CDH13: variants seen among roughly 807,000 people sequenced by gnomAD.
CDH13 encodes cadherin-13.
Under a neutral mutation model 63.8 loss-of-function variants are expected in CDH13, and 24 were observed. The ratio of observed to expected loss-of-function variants is 0.38; its 90% CI spans 0.27 to 0.53. The LOEUF (loss-of-function observed/expected upper bound fraction) is 0.53, where lower values mean the gene tolerates loss of function less well. Ranked by LOEUF, CDH13 falls within the 20% of genes least tolerant of loss-of-function variation. The pLI, the probability that CDH13 is intolerant of heterozygous loss-of-function variation, is 0.85. For synonymous variants in CDH13, 503 were observed against 355.3 expected (o/e 1.42, Z -4.67); for missense variants, 1,049 against 903.1 (o/e 1.16, Z -2.07).
chr16:82,868,955 C>A (rs764472193), intron 2 of CDH13, among the ~76,000 whole-genome samples: 8 of 152,164 alleles, frequency 5.3e-5, no homozygotes, highest in Non-Finnish European at 1.0e-4. Flanking sequence ...ATTTTCTCAT[C>A]TGGAAAATTA....
At chr16:82,967,017 G>A (rs2151357575) in intron 2 of CDH13, among the ~76,000 whole-genome samples, 1 of 152,252 alleles carries the variant, frequency 6.6e-6, no homozygotes, top group Middle Eastern at 3.4e-3. Context: ...CAGATCTCAT[G>A]TCTCTTTAGG....
chr16:83,013,913 T>C (rs943070126), intron 2 of CDH13, among the ~76,000 whole-genome samples: 1 of 152,174 alleles, frequency 6.6e-6, no homozygotes, highest in Non-Finnish European at 1.5e-5. Context: ...ATTGGGACTC[T>C]GGTAAGCAGC....
chr16:83,314,304 A>T (rs1420303291), intron 5 of CDH13, among the ~76,000 whole-genome samples: 16 of 152,194 alleles, frequency 1.1e-4, no homozygotes, highest in Admixed American at 9.8e-4. Flanking sequence ...TTTTCTTTCA[A>T]ATGTGTCTTA....
At chr16:82,944,420 G>A (rs920295205) in intron 2 of CDH13, among the ~76,000 whole-genome samples, 9 of 152,170 alleles carry the variant, frequency 5.9e-5, no homozygotes, top group African/African-American at 2.2e-4. Context: ...AAGTTGGTCA[G>A]GAAGGTTATT....
intron 1 of CDH13, among the ~76,000 whole-genome samples, chr16:82,827,383 G>A (rs1419741330): frequency 2.0e-5 from 3 of 152,176 alleles, no homozygotes; most frequent in South Asian, 2.1e-4. Flanking sequence ...TCAAGCAAAT[G>A]TCTGCCACTC....
At chr16:83,415,988 A>C (rs2092195006) in intron 6 of CDH13, among the ~76,000 whole-genome samples, 1 of 152,224 alleles carries the variant, frequency 6.6e-6, no homozygotes, top group Non-Finnish European at 1.5e-5. Context: ...ATGATCTCAC[A>C]TATAGAAAAT....
At chr16:83,662,246 C>G (rs17689520) in intron 8 of CDH13, among the ~76,000 whole-genome samples, 15,368 of 152,200 alleles carry the variant, frequency 0.1, 874 homozygotes, top group East Asian at 0.21. Flanking sequence ...TGGATGGCTT[C>G]AGACATTTAA....
intron 6 of CDH13, among the ~76,000 whole-genome samples, chr16:83,420,486 T>C (rs1226657155): frequency 6.6e-6 from 1 of 152,198 alleles, no homozygotes; most frequent in African/African-American, 2.4e-5. Context: ...GTAGCTGTGC[T>C]CTCTCTCGTA....
chr16:83,787,922 G>A (rs957980215), intron 13 of CDH13, among the ~76,000 whole-genome samples: 4 of 152,200 alleles, frequency 2.6e-5, no homozygotes, highest in African/African-American at 4.8e-5. Flanking sequence ...CAGCCTAAGC[G>A]ACAGAGCAAA....
intron 2 of CDH13, chr16:82,954,318 G>A (rs1905728244): frequency 6.6e-6 from 1 of 152,316 alleles, no homozygotes; most frequent in Non-Finnish European, 1.5e-5. Flanking sequence ...CTGTGGAAGG[G>A]AAGGGGCTGA....
chr16:83,763,495 G>A lies in CDH13; in HGVS notation c.1681+15245G>A, dbSNP rs139999562. 3.7e-4 allele frequency among the ~76,000 whole-genome samples: 56 copies of A among 152,224 alleles called. 1 individual carries two copies. In the East Asian group the frequency reaches 0.01, roughly 27 times the overall value. The stretch of plus-strand genomic sequence containing the variant: ...AGCCCCCAAACTGAGGGTGGGAGGG[G>A]CTCTGAACTGAACTTCAGAAAGATA... On this transcript the variant is annotated intron_variant, in intron 11 of 13. Transcript: ENST00000567109.
chr16:83,523,625 C>G (rs1261606362), intron 7 of CDH13, among the ~76,000 whole-genome samples: 1 of 152,202 alleles, frequency 6.6e-6, no homozygotes, highest in Non-Finnish European at 1.5e-5. Flanking sequence ...GGGTCACTCC[C>G]TTGCTTCATG....
At chr16:82,806,587 G>A (rs796978490) in intron 1 of CDH13, among the ~76,000 whole-genome samples, 12 of 152,276 alleles carry the variant, frequency 7.9e-5, no homozygotes, top group African/African-American at 2.9e-4. Flanking sequence ...TTAAGGAAAG[G>A]TCTTATTTAA....
rs562054891 is a variant in CDH13, at chr16:83,061,526, C to G, written c.366+29308C>G. On this transcript the variant is annotated intron_variant, in intron 3 of 13. Transcript: ENST00000567109. ...ATGCCTTTCCCAGCTAAAAATTCTT[C>G]CAGCTCACCCATGGTGTGCTAGGGA... is the stretch of plus-strand genomic sequence containing the variant. Among the ~76,000 whole-genome samples the G allele has an allele frequency of 1.3e-3, 204 of 152,266 alleles. 1 individual carries two copies. Among genetic ancestry groups the G allele is most frequent in the South Asian group, 0.013 (61 of 4,820 alleles).
chr16:83,407,510 G>A (rs1277708364), intron 6 of CDH13, among the ~76,000 whole-genome samples: 1 of 151,844 alleles, frequency 6.6e-6, no homozygotes, highest in Non-Finnish European at 1.5e-5. Context: ...CTCTAGCTCA[G>A]AAAAAAAATT....
chr16:83,446,300 CA>C (rs200693082), intron 6 of CDH13, among the ~76,000 whole-genome samples: 12,464 of 82,254 alleles, frequency 0.15, 524 homozygotes, highest in Admixed American at 0.29. Flanking sequence ...GAGACTGTCT[CA>C]AAAAAAAAAA....
intron 1 of CDH13, among the ~76,000 whole-genome samples, chr16:82,849,986 TA>T (rs1224072548): frequency 6.6e-6 from 1 of 152,264 alleles, no homozygotes; most frequent in Non-Finnish European, 1.5e-5. Flanking sequence ...CCAAAAGTTT[TA>T]ATGGAGGTAT....
At chr16:83,535,565 AT>A (rs2075166602) in intron 7 of CDH13, among the ~76,000 whole-genome samples, 1 of 152,182 alleles carries the variant, frequency 6.6e-6, no homozygotes, top group Non-Finnish European at 1.5e-5. Context: ...TTGCTACTTC[AT>A]TCGTTGATTC....
chr16:82,807,836 C>T (rs964283332), intron 1 of CDH13, among the ~76,000 whole-genome samples: 4 of 152,150 alleles, frequency 2.6e-5, no homozygotes, highest in African/African-American at 4.8e-5. Context: ...TTACTGGGGA[C>T]TTTTAACAAA....
Sources: gnomAD v4.1 joint callset for allele counts (sites outside exome capture counted in the v4.1 genomes callset) on GRCh38, gnomAD v4.1.1 for gene constraint, MANE v1.5 for transcripts, NCBI Gene and HGNC (gene_info 2026-07-23, HGNC 2026-07-21) for gene names.